EXOC4: variants seen among roughly 807,000 people sequenced by gnomAD.
The protein encoded by EXOC4 is exocyst complex component 4.
In EXOC4, 71 loss-of-function variants were observed where a neutral mutation model predicts 107.2. The observed-to-expected ratio is 0.66, with a 90% CI of 0.55 to 0.81. The LOEUF (loss-of-function observed/expected upper bound fraction) is 0.81. EXOC4 is among the 30% of genes least tolerant of loss of function. The pLI, the probability that EXOC4 is intolerant of heterozygous loss-of-function variation, is 0.00. For synonymous variants in EXOC4, 456 were observed against 441.2 expected (o/e 1.03, Z -0.42); for missense variants, 1,108 against 1,189.6 (o/e 0.93, Z 1.01).
intron 10 of EXOC4, among the ~76,000 whole-genome samples, chr7:133,645,670 A>G (rs918996728): frequency 7.4e-6 from 1 of 135,342 alleles, no homozygotes; most frequent in Non-Finnish European, 1.6e-5. Flanking sequence ...GATATCAAGA[A>G]CAGGGTTGTT....
intron 9 of EXOC4, among the ~76,000 whole-genome samples, chr7:133,578,744 G>A (rs575509375): frequency 1.3e-5 from 2 of 152,238 alleles, no homozygotes; most frequent in Admixed American, 6.5e-5. Flanking sequence ...ATTTCCCAGG[G>A]CATTGAAAGA....
At chr7:133,439,225 G>A (rs893886945) in intron 7 of EXOC4, among the ~76,000 whole-genome samples, 9 of 114,582 alleles carry the variant, frequency 7.9e-5, no homozygotes, top group African/African-American at 2.7e-4. Flanking sequence ...TCGCTGTCTC[G>A]CCAGGCTGGA....
At chr7:133,327,334 G>T (rs898350079) in intron 5 of EXOC4, among the ~76,000 whole-genome samples, 1 of 152,130 alleles carries the variant, frequency 6.6e-6, no homozygotes, top group African/African-American at 2.4e-5. Context: ...AGCTGTTCTT[G>T]TTCGGCTATC....
At chr7:133,995,900 C>G (rs1794380402) in intron 14 of EXOC4, among the ~76,000 whole-genome samples, 2 of 152,156 alleles carry the variant, frequency 1.3e-5, no homozygotes, top group South Asian at 4.1e-4. Flanking sequence ...GATGTTGGCT[C>G]TCTACCCTAT....
intron 14 of EXOC4, among the ~76,000 whole-genome samples, chr7:133,985,838 C>T (rs1794101695): frequency 6.6e-6 from 1 of 152,100 alleles, no homozygotes; most frequent in Admixed American, 6.6e-5. Flanking sequence ...ATTAAGACAC[C>T]TTCTCCCGAT....
At chr7:133,838,453 C>A (rs1225747002) in intron 11 of EXOC4, among the ~76,000 whole-genome samples, 1 of 152,186 alleles carries the variant, frequency 6.6e-6, no homozygotes, top group African/African-American at 2.4e-5. Flanking sequence ...TCTTTGCAAG[C>A]AGCCCTCTTC....
chr7:133,586,449 A>G (rs1563117452), intron 9 of EXOC4, among the ~76,000 whole-genome samples: 1 of 152,024 alleles, frequency 6.6e-6, no homozygotes, highest in Non-Finnish European at 1.5e-5. Flanking sequence ...TACTTTTTTT[A>G]TTTTTAATGG....
At chr7:133,852,702 C>G (rs1226623011) in intron 11 of EXOC4, among the ~76,000 whole-genome samples, 1 of 152,112 alleles carries the variant, frequency 6.6e-6, no homozygotes, top group Admixed American at 6.5e-5. Flanking sequence ...TCCTTTCCCC[C>G]GCTTTTAAAA....
chr7:134,097,854 A>G, the EXOC4 span, among the ~76,000 whole-genome samples: 33,528 of 152,054 alleles, frequency 0.22, 5,712 homozygotes, highest in African/African-American at 0.48. Context: ...GCATCAACTG[A>G]CCACCTCAGT....
At chr7:133,787,966 TATATATATATATATATATATATATA>T (rs1796619151) in intron 10 of EXOC4, among the ~76,000 whole-genome samples, 2 of 16,484 alleles carry the variant, frequency 1.2e-4, no homozygotes, top group African/African-American at 4.3e-4. Flanking sequence ...TATATATTTA[TATATATATATATATATATATATATA>T]TATATATATA....
chr7:133,844,378 C>CTTTTTTTTTTTT lies in EXOC4; in HGVS notation c.1734+26853_1734+26864dup, dbSNP rs761535651. Among the ~76,000 whole-genome samples the CTTTTTTTTTTTT allele has an allele frequency of 2.8e-4, 23 of 83,392 alleles. 2 individuals are homozygous for CTTTTTTTTTTTT. The highest frequency in any genetic ancestry group is 1.1e-3 in the African/African-American group (19 of 17,354). 54.7% of individuals were successfully genotyped at this position (83,392 alleles called of 152,430 possible). A position where few individuals can be genotyped will look rare whatever the true frequency, so the allele number is the denominator to read the frequency against. Reference sequence around the variant, plus strand: ...TAATTTCTTGGATTCCCACATATTCCTTTTTTTTTTTTTTTTTTTTTTTTT... The same window carrying CTTTTTTTTTTTT: ...TAATTTCTTGGATTCCCACATATTCCTTTTTTTTTTTTTTTTTTTTTTTTTTTTTTTTTTTTT... On this transcript the variant is annotated intron_variant, in intron 11 of 17. Transcript: ENST00000253861.
At chr7:133,753,090 G>A (rs557451612) in intron 10 of EXOC4, among the ~76,000 whole-genome samples, 53 of 152,128 alleles carry the variant, frequency 3.5e-4, no homozygotes, top group Admixed American at 1.8e-3. Context: ...ATTTTTCTTC[G>A]TCATATTGAC....
At chr7:133,575,846 G>A (rs950541808) in intron 9 of EXOC4, among the ~76,000 whole-genome samples, 1 of 152,118 alleles carries the variant, frequency 6.6e-6, no homozygotes, top group Non-Finnish European at 1.5e-5. Flanking sequence ...GTCCCATAAG[G>A]CCAGTCTGTT....
intron 9 of EXOC4, chr7:133,551,456 A>C (rs948473667): frequency 6.6e-6 from 1 of 151,992 alleles, no homozygotes; most frequent in African/African-American, 2.4e-5. Context: ...TGATTATTTT[A>C]GTTGTTTCAA....
At chr7:133,980,669 C>T (rs1194882261) in intron 14 of EXOC4, among the ~76,000 whole-genome samples, 1 of 152,166 alleles carries the variant, frequency 6.6e-6, no homozygotes, top group Non-Finnish European at 1.5e-5. Context: ...GAAGTAATAT[C>T]CTGAAATTGT....
At chr7:133,835,067 A>G (rs1797889952) in intron 11 of EXOC4, among the ~76,000 whole-genome samples, 1 of 152,202 alleles carries the variant, frequency 6.6e-6, no homozygotes. Flanking sequence ...AGGCCTCCCC[A>G]GCCATGTGGA....
At chr7:133,423,844 C>G (rs551049849) in intron 7 of EXOC4, among the ~76,000 whole-genome samples, 1 of 152,156 alleles carries the variant, frequency 6.6e-6, no homozygotes, top group Non-Finnish European at 1.5e-5. Context: ...CTTGGCACAG[C>G]CAGCTGGCGC....
intron 11 of EXOC4, among the ~76,000 whole-genome samples, chr7:133,883,380 G>A (rs1799007542): frequency 1.4e-5 from 2 of 145,196 alleles, no homozygotes; most frequent in African/African-American, 5.2e-5. Context: ...AGTGGCTCAT[G>A]TCTGTAATAC....
At chr7:133,727,705 A>G (rs1206750057) in intron 10 of EXOC4, 2 of 152,514 alleles carry the variant, frequency 1.3e-5, no homozygotes, top group Non-Finnish European at 2.9e-5. Context: ...CTGCGTAGTC[A>G]ATGCTGCAGC....
Sources: allele counts gnomAD v4.1 joint callset (sites outside exome capture counted in the v4.1 genomes callset), GRCh38; gene constraint gnomAD v4.1.1; transcripts MANE v1.5; gene names NCBI Gene and HGNC (gene_info 2026-07-23, HGNC 2026-07-21).